The following TTC27 variants were observed in gnomAD, a reference collection of about 807,000 sequenced individuals.
TTC27 encodes the protein tetratricopeptide repeat domain 27, also known as tetratricopeptide repeat protein 27.
Under a neutral mutation model 115.9 loss-of-function variants are expected in TTC27, and 79 were observed. That is an observed-to-expected ratio of 0.68 (90% CI 0.57 to 0.82). The LOEUF (loss-of-function observed/expected upper bound fraction) is 0.82, where lower values mean the gene tolerates loss of function less well. Among genes scored for constraint, TTC27 ranks in the 40% least tolerant of loss-of-function variants. The probability of loss-of-function intolerance (pLI) is 0.00; values close to 1 mark genes in which losing one functional copy is unlikely to be tolerated. For synonymous variants in TTC27, 401 were observed against 356.0 expected (o/e 1.13, Z -1.42); for missense variants, 1,054 against 993.1 (o/e 1.06, Z -0.82).
intron 3 of TTC27, among the ~76,000 whole-genome samples, chr2:32,635,766 G>A (rs1296313961): frequency 6.7e-6 from 1 of 149,628 alleles, no homozygotes; most frequent in Non-Finnish European, 1.5e-5. Flanking sequence ...ATAATTTGAT[G>A]GGGGGGTAGA....
In TTC27 at chr2:32,758,539, C is replaced by A. The variant is rs1558328767; in HGVS notation, c.1680+20C>A. 5.6e-6 allele frequency: 9 copies of A among 1,605,364 alleles called. No individual in the cohort carries two copies. The highest frequency in any genetic ancestry group is 7.7e-6 in the Non-Finnish European group (9 of 1,172,298). On this transcript the variant is annotated intron_variant, in intron 13 of 19. Coordinates refer to ENST00000317907, the MANE Select transcript of TTC27 (RefSeq NM_017735.5). ...ATGCAGGTTAGACAACTCATAACCC[C>A]CTGCTGCTCTCAGCGCTTGTGCTGT...
At chr2:32,681,563 A>G (rs1666425174) in intron 9 of TTC27, among the ~76,000 whole-genome samples, 1 of 152,112 alleles carries the variant, frequency 6.6e-6, no homozygotes, top group Non-Finnish European at 1.5e-5. Context: ...ATGATATTCA[A>G]GTAGAAACCA....
chr2:32,749,872 C>G (rs1303178718), intron 12 of TTC27, among the ~76,000 whole-genome samples: 1 of 151,582 alleles, frequency 6.6e-6, no homozygotes, highest in East Asian at 1.9e-4. Flanking sequence ...ATGTTACTAC[C>G]AAATGGAAGG....
At chr2:32,724,378 G>A (rs1668040131) in intron 10 of TTC27, among the ~76,000 whole-genome samples, 1 of 152,178 alleles carries the variant, frequency 6.6e-6, no homozygotes, top group African/African-American at 2.4e-5. Flanking sequence ...CAGAAGCAGT[G>A]GAAGGGCAGG....
chr2:32,800,398 G>A (rs1002018139), intron 16 of TTC27, among the ~76,000 whole-genome samples: 22 of 151,960 alleles, frequency 1.4e-4, no homozygotes, highest in African/African-American at 4.4e-4. Flanking sequence ...GGCCAGGCTG[G>A]TCTCAAACTC....
chr2:32,653,082 A>G (rs115101221), intron 5 of TTC27, among the ~76,000 whole-genome samples: 2,072 of 152,276 alleles, frequency 0.014, 27 homozygotes, highest in Middle Eastern at 0.068. Context: ...ATGCTTCTCT[A>G]AAGACTATTC....
At chr2:32,743,688 T>C (rs1236699620) in intron 12 of TTC27, among the ~76,000 whole-genome samples, 2 of 152,196 alleles carry the variant, frequency 1.3e-5, no homozygotes, top group East Asian at 3.8e-4. Context: ...GTTTTGCTTC[T>C]CTGTGTTTAT....
intron 16 of TTC27, among the ~76,000 whole-genome samples, chr2:32,789,921 CAAAAAAAA>C (rs34859954): frequency 7.7e-5 from 2 of 25,938 alleles, no homozygotes; most frequent in African/African-American, 1.8e-4. Context: ...ACCCTGTCTC[CAAAAAAAA>C]AAAAAAAAAA....
intron 12 of TTC27, among the ~76,000 whole-genome samples, chr2:32,737,994 C>T (rs1433689466): frequency 1.3e-5 from 2 of 152,004 alleles, no homozygotes; most frequent in East Asian, 1.9e-4. Flanking sequence ...GCAGCCTAGA[C>T]GACACAGTGA....
Position 32,817,523 on chromosome 2 carries a change from G to A in TTC27, c.2375G>A (p.Arg792Gln), listed in dbSNP as rs140113843. ...GCTGTACAAATGCTTTCTTCTGTTCGACTCAATTTACGGGGCTTGTTATCT... is the reference window on the plus strand; with the variant it reads ...GCTGTACAAATGCTTTCTTCTGTTCAACTCAATTTACGGGGCTTGTTATCT... ...QEAVQMLSSV[R>Q]LNLRGLLSKA... Residue 792 changes from arginine to glutamine, a missense_variant, in exon 19 of 20, where the codon CGA becomes CAA. By Grantham distance (43) the Arg-to-Gln change is conservative. Transcript: ENST00000317907. 33 of 1,613,856 alleles carry A rather than the reference G, an allele frequency of 2.0e-5. No homozygotes were observed. Among genetic ancestry groups the A allele is most frequent in the Admixed American group, 6.7e-5 (4 of 60,006 alleles).
intron 3 of TTC27, among the ~76,000 whole-genome samples, chr2:32,635,047 GT>G (rs1423332413): frequency 1.3e-5 from 2 of 152,046 alleles, no homozygotes; most frequent in African/African-American, 4.8e-5. Flanking sequence ...CTTTATTAAA[GT>G]TTCTGGCACA....
chr2:32,788,298 A>C (rs1670414621), intron 16 of TTC27, among the ~76,000 whole-genome samples: 1 of 152,192 alleles, frequency 6.6e-6, no homozygotes. Context: ...TGCTGGCTCA[A>C]TTCCAGCATT....
At chr2:32,679,950 T>A (rs75355447) in intron 9 of TTC27, among the ~76,000 whole-genome samples, 6 of 152,230 alleles carry the variant, frequency 3.9e-5, no homozygotes, top group African/African-American at 1.4e-4. Context: ...ACACTGCACT[T>A]CAGCCTGGGT....
At chr2:32,809,936 G>GT (rs1195250558) in intron 16 of TTC27, among the ~76,000 whole-genome samples, 1 of 151,878 alleles carries the variant, frequency 6.6e-6, no homozygotes, top group Admixed American at 6.6e-5. Flanking sequence ...GGCCAACATA[G>GT]TGAAACCCCA....
At chr2:32,722,492 TTA>T (rs1398575613) in intron 10 of TTC27, among the ~76,000 whole-genome samples, 3 of 152,158 alleles carry the variant, frequency 2.0e-5, no homozygotes, top group Non-Finnish European at 4.4e-5. Context: ...GGAGGAGTCA[TTA>T]TGTACATTTT....
chr2:32,723,971 C>CTTTTT lies in TTC27; in HGVS notation c.1234-9844_1234-9840dup, dbSNP rs36120062. 3.4e-3 allele frequency among the ~76,000 whole-genome samples: 317 copies of CTTTTT among 92,428 alleles called. 25 individuals are homozygous for CTTTTT. The highest frequency in any genetic ancestry group is 0.011 in the African/African-American group (274 of 24,032). 60.6% of individuals were successfully genotyped at this position (92,428 alleles called of 152,430 possible). A position where few individuals can be genotyped will look rare whatever the true frequency, so the allele number is the denominator to read the frequency against. On this transcript the variant is annotated intron_variant, in intron 10 of 19. Transcript: ENST00000317907. Reference sequence around the variant, plus strand: ...TGAGCCACCAGCTGGCATACATAAGCTTTTTTTTTTTTTTTTTATAGAAAG... The same window carrying CTTTTT: ...TGAGCCACCAGCTGGCATACATAAGCTTTTTTTTTTTTTTTTTTTTTTATAGAAAG...
chr2:32,666,033 G>A (rs1665762462), intron 6 of TTC27, among the ~76,000 whole-genome samples: 1 of 152,208 alleles, frequency 6.6e-6, no homozygotes, highest in South Asian at 2.1e-4. Flanking sequence ...TTCTAGACTG[G>A]TCTTTGTAAT....
chr2:32,685,015 CTTTTTTTT>C (rs70938361), intron 9 of TTC27, among the ~76,000 whole-genome samples: 19 of 116,312 alleles, frequency 1.6e-4, no homozygotes, highest in African/African-American at 6.1e-5. Flanking sequence ...TTGCCTTTTC[CTTTTTTTT>C]TTTTTTTTTT....
chr2:32,801,540 A>G (rs1352360775), intron 16 of TTC27, among the ~76,000 whole-genome samples: 1 of 152,134 alleles, frequency 6.6e-6, no homozygotes, highest in East Asian at 1.9e-4. Flanking sequence ...CATTGCAAAG[A>G]CCCTATTTCA....
Sources: gnomAD v4.1 joint callset for allele counts (sites outside exome capture counted in the v4.1 genomes callset) on GRCh38, gnomAD v4.1.1 for gene constraint, MANE v1.5 for transcripts, NCBI Gene and HGNC (gene_info 2026-07-23, HGNC 2026-07-21) for gene names.